Variants in NBEA observed in about 807,000 individuals in gnomAD.
NBEA encodes the protein lysosomal-trafficking regulator 2.
Under a neutral mutation model 343.4 loss-of-function variants are expected in NBEA, and 44 were observed. The ratio of observed to expected loss-of-function variants is 0.13; its 90% CI spans 0.10 to 0.16. The LOEUF (loss-of-function observed/expected upper bound fraction) is 0.16. NBEA is among the 10% of genes least tolerant of loss of function. The probability of loss-of-function intolerance (pLI) is 1.00; values close to 1 mark genes in which losing one functional copy is unlikely to be tolerated. For synonymous variants in NBEA, 1,175 were observed against 1,238.7 expected, an observed-to-expected ratio of 0.95 and a Z score of 1.08; for missense variants, 2,555 against 3,631.3, an observed-to-expected ratio of 0.70 and a Z score of 7.62.
At chr13:34,969,328 A>C (rs57848903) in intron 1 of NBEA, among the ~76,000 whole-genome samples, 12,512 of 151,870 alleles carry the variant, frequency 0.082, 639 homozygotes, top group African/African-American at 0.13. Context: ...AAAAAAAAAA[A>C]CTAAAATTTT....
intron 30 of NBEA, among the ~76,000 whole-genome samples, chr13:35,189,462 G>C (rs1182528912): frequency 1.3e-5 from 2 of 151,818 alleles, no homozygotes; most frequent in Non-Finnish European, 2.9e-5. Flanking sequence ...AATTATATAT[G>C]TTGGCATTTT....
chr13:35,506,819 A>G (rs868651451), intron 41 of NBEA, among the ~76,000 whole-genome samples: 37 of 152,240 alleles, frequency 2.4e-4, no homozygotes, highest in Non-Finnish European at 4.3e-4. Context: ...TTCTCAAATT[A>G]TAGAACCATT....
chr13:34,943,948 C>T (rs2059112782), intron 1 of NBEA, among the ~76,000 whole-genome samples: 1 of 152,164 alleles, frequency 6.6e-6, no homozygotes. Context: ...GCGCTATCTA[C>T]AGAGAGGCTC....
chr13:35,660,804 A>G lies in NBEA; in HGVS notation c.8363-4281A>G, dbSNP rs545605944. Among the ~76,000 whole-genome samples, 144 of 152,342 alleles carry G rather than the reference A, an allele frequency of 9.5e-4. 1 individual carries two copies. The highest frequency in any genetic ancestry group is 1.7e-3 in the Non-Finnish European group (114 of 68,034). On this transcript the variant is annotated intron_variant, in intron 55 of 58. Coordinates refer to ENST00000379939, the MANE Select transcript of NBEA (RefSeq NM_001385012.1). Reference sequence around the variant, plus strand: ...ATTTGTAGAGTATATTTAGATTTAGATACATTAAACAAGTTTGTATCACTT... The same window carrying G: ...ATTTGTAGAGTATATTTAGATTTAGGTACATTAAACAAGTTTGTATCACTT...
At chr13:35,268,779 T>G (rs541210242) in intron 34 of NBEA, among the ~76,000 whole-genome samples, 2 of 152,214 alleles carry the variant, frequency 1.3e-5, no homozygotes, top group South Asian at 4.1e-4. Context: ...ATCATTTAAA[T>G]TTTAAGTTTT....
At position 35,472,526 on chromosome 13, in the gene NBEA, T is replaced by C. The variant is rs955117436; in HGVS notation, c.6575T>C (p.Ile2192Thr). The C allele has an allele frequency of 3.7e-6, 6 of 1,613,916 alleles. No individual in the cohort carries two copies. The highest frequency in any genetic ancestry group is 5.1e-6 in the Non-Finnish European group (6 of 1,179,910). The change falls in exon 41 of 59, where the codon ATC becomes ACC. Residue 2192 changes from isoleucine to threonine, a missense_variant. By Grantham distance (89) the Ile-to-Thr change is moderately conservative. Transcript: ENST00000379939. Reference sequence around the variant, plus strand: ...GAGGATGATTCTGCCTTCAAGAAGATCGACACGAAAGTGAGTTAAAGCGAT... The same window carrying C: ...GAGGATGATTCTGCCTTCAAGAAGACCGACACGAAAGTGAGTTAAAGCGAT... ...VDEDDSAFKK[I>T]DTKVLAYTEG...
chr13:35,423,750 A>G (rs2044459481), intron 38 of NBEA, among the ~76,000 whole-genome samples: 1 of 152,022 alleles, frequency 6.6e-6, no homozygotes, highest in Non-Finnish European at 1.5e-5. Context: ...CAGTATGGCC[A>G]TTTTCACGAT....
chr13:35,399,737 G>C (rs1239695970), intron 38 of NBEA, among the ~76,000 whole-genome samples: 1 of 152,102 alleles, frequency 6.6e-6, no homozygotes, highest in Admixed American at 6.6e-5. Flanking sequence ...CTTTTGGCCT[G>C]TTTCAGCTTT....
chr13:35,516,925 A>G (rs747801241), intron 41 of NBEA, among the ~76,000 whole-genome samples: 9 of 152,194 alleles, frequency 5.9e-5, no homozygotes, highest in Non-Finnish European at 1.3e-4. Flanking sequence ...CAAGCTCACA[A>G]CTGGGAAGTG....
At position 35,181,873 on chromosome 13, in the gene NBEA, T is replaced by G. The variant is rs550692961; in HGVS notation, c.4663-487T>G. ...AAATTCATGTTTTCTGCTCCCCCATTGTTTATTTCTCCTCTATTTTGTATT... is the reference window on the plus strand; with the variant it reads ...AAATTCATGTTTTCTGCTCCCCCATGGTTTATTTCTCCTCTATTTTGTATT... On this transcript the variant is annotated intron_variant, in intron 28 of 58. Transcript: ENST00000379939. 4.6e-5 allele frequency among the ~76,000 whole-genome samples: 7 copies of G among 151,912 alleles called. No individual in the cohort carries two copies. The South Asian group carries it at 1.2e-3, about 27-fold the overall frequency.
intron 31 of NBEA, among the ~76,000 whole-genome samples, chr13:35,199,804 T>G (rs2072887671): frequency 6.6e-6 from 1 of 152,126 alleles, no homozygotes; most frequent in East Asian, 1.9e-4. Flanking sequence ...ATAAACCTTT[T>G]TTCTTTACTA....
At chr13:34,962,157 C>G (rs1368815421) in intron 1 of NBEA, among the ~76,000 whole-genome samples, 1 of 151,862 alleles carries the variant, frequency 6.6e-6, no homozygotes, top group African/African-American at 2.4e-5. Context: ...TATTGGCTAT[C>G]AGTGGTCTGG....
intron 30 of NBEA, among the ~76,000 whole-genome samples, chr13:35,191,472 G>A (rs1013180737): frequency 3.3e-5 from 5 of 152,016 alleles, no homozygotes; most frequent in Non-Finnish European, 5.9e-5. Flanking sequence ...TACACTTAGT[G>A]TAGCAAGCAA....
chr13:35,135,787 G>A (rs928832236), intron 17 of NBEA, among the ~76,000 whole-genome samples: 2 of 151,548 alleles, frequency 1.3e-5, no homozygotes, highest in African/African-American at 4.9e-5. Context: ...ATATATATAT[G>A]TATGCTTAGA....
intron 44 of NBEA, among the ~76,000 whole-genome samples, chr13:35,563,138 GAT>G (rs1555303323): frequency 1.7e-3 from 229 of 132,192 alleles, no homozygotes; most frequent in South Asian, 4.8e-3. Flanking sequence ...TGTGGAGATA[GAT>G]AGATAGATAG....
chr13:34,955,263 A>G lies in NBEA; in HGVS notation c.294+12149A>G, dbSNP rs138133511. ...AGAATACTTAAAATGATAGTTAAAT[A>G]AATTACTGATTAATCCTAATCTAGT... is the stretch of plus-strand genomic sequence containing the variant. On this transcript the variant is annotated intron_variant, in intron 1 of 58. Transcript: ENST00000379939. Among the ~76,000 whole-genome samples, 608 of 152,160 alleles carry G rather than the reference A, an allele frequency of 4.0e-3. 3 individuals carry two copies. Among genetic ancestry groups the G allele is most frequent in the African/African-American group, 0.014 (586 of 41,504 alleles).
chr13:35,395,546 G>T (rs2042704297), intron 38 of NBEA, among the ~76,000 whole-genome samples: 1 of 151,926 alleles, frequency 6.6e-6, no homozygotes, highest in South Asian at 2.1e-4. Context: ...CCAGTCTCAG[G>T]TATTTCTTTA....
At chr13:34,958,673 C>T (rs1034173653) in intron 1 of NBEA, among the ~76,000 whole-genome samples, 6 of 151,886 alleles carry the variant, frequency 4.0e-5, no homozygotes, top group Admixed American at 1.3e-4. Context: ...GCTAGAACTC[C>T]GGGCATTTGT....
At chr13:35,632,606 G>T (rs993167458) in intron 49 of NBEA, among the ~76,000 whole-genome samples, 2 of 151,292 alleles carry the variant, frequency 1.3e-5, no homozygotes, top group Non-Finnish European at 2.9e-5. Flanking sequence ...CCCTCCCCTT[G>T]TATTTTTTTT....
Sources: allele counts gnomAD v4.1 joint callset (sites outside exome capture counted in the v4.1 genomes callset), GRCh38; gene constraint gnomAD v4.1.1; transcripts MANE v1.5; gene names NCBI Gene and HGNC (gene_info 2026-07-23, HGNC 2026-07-21).